The following MTCL2 variants were observed in gnomAD, a reference collection of about 807,000 sequenced individuals.
The protein encoded by MTCL2 is microtubule crosslinking factor 2, also known as microtubule cross-linking factor 2.
the MTCL2 span, among the ~76,000 whole-genome samples, chr20:36,859,365 C>G: frequency 1.3e-5 from 2 of 152,210 alleles, no homozygotes; most frequent in African/African-American, 4.8e-5. Flanking sequence ...AAAGCTGCAT[C>G]TTAGAATCCT....
At chr20:36,805,831 C>A in the MTCL2 span, 5 of 1,580,786 alleles carry the variant, frequency 3.2e-6, no homozygotes, top group Admixed American at 5.5e-5. Context: ...ACAACAGGAC[C>A]GGGAAGGGGC....
the MTCL2 span, chr20:36,805,948 T>G: frequency 1.2e-6 from 2 of 1,605,308 alleles, no homozygotes; most frequent in Non-Finnish European, 1.7e-6. Context: ...AGCTCCTTCA[T>G]GCTGTTCACC....
the MTCL2 span, among the ~76,000 whole-genome samples, chr20:36,852,159 G>A: frequency 2.0e-5 from 3 of 152,184 alleles, no homozygotes; most frequent in Non-Finnish European, 2.9e-5. Context: ...TTCACTCTGC[G>A]AGGCAGCAAC....
At chr20:36,849,968 T>C in the MTCL2 span, among the ~76,000 whole-genome samples, 1 of 152,034 alleles carries the variant, frequency 6.6e-6, no homozygotes, top group Admixed American at 6.6e-5. Flanking sequence ...CAAGGGGACA[T>C]GAGGCTCCCA....
At chr20:36,811,762 A>G in the MTCL2 span, among the ~76,000 whole-genome samples, 19 of 152,334 alleles carry the variant, frequency 1.2e-4, no homozygotes, top group Admixed American at 9.1e-4. Flanking sequence ...CATCAGCTTC[A>G]AGTGAGCTTC....
chr20:36,794,363 C>A, the MTCL2 span: 1 of 1,608,332 alleles, frequency 6.2e-7, no homozygotes, highest in Non-Finnish European at 8.5e-7. The surrounding 1 kb of genome is among the most constrained non-coding windows in gnomAD (Gnocchi z 5.4). Context: ...CGTGTAGCTG[C>A]GCTGCATCTG....
chr20:36,794,629 AT>A, the MTCL2 span: 2 of 1,613,876 alleles, frequency 1.2e-6, no homozygotes, highest in African/African-American at 1.3e-5. This position sits in a 1 kb window ranked among gnomAD's most constrained non-coding sequence, Gnocchi z 5.4. Flanking sequence ...AAACGTCGTT[AT>A]TAGTGGAAAT....
At chr20:36,802,136 A>C in the MTCL2 span, among the ~76,000 whole-genome samples, 1 of 151,784 alleles carries the variant, frequency 6.6e-6, no homozygotes, top group Non-Finnish European at 1.5e-5. Flanking sequence ...AAATATAAAA[A>C]TTAGCCGGCT....
the MTCL2 span, among the ~76,000 whole-genome samples, chr20:36,842,682 GA>G: frequency 6.6e-6 from 1 of 152,198 alleles, no homozygotes; most frequent in Non-Finnish European, 1.5e-5. Flanking sequence ...TGAAGCAGGA[GA>G]ATCATTTGAA....
chr20:36,858,311 AAC>A, the MTCL2 span, among the ~76,000 whole-genome samples: 2,053 of 31,286 alleles, frequency 0.066, 99 homozygotes, highest in Non-Finnish European at 0.066. Flanking sequence ...AAGGAGGGAA[AAC>A]ACACACACAC....
At chr20:36,794,872 G>A in the MTCL2 span, 1 of 491,498 alleles carries the variant, frequency 2.0e-6, no homozygotes, top group East Asian at 3.9e-5. The surrounding 1 kb of genome is among the most constrained non-coding windows in gnomAD (Gnocchi z 5.4). Context: ...GGGCTCAAGT[G>A]ATCCTCCCAT....
the MTCL2 span, chr20:36,839,367 C>A: frequency 6.2e-7 from 1 of 1,613,314 alleles, no homozygotes; most frequent in African/African-American, 1.3e-5. This position sits in a 1 kb window ranked among gnomAD's most constrained non-coding sequence, Gnocchi z 5.1. Context: ...GCAGCTCCTG[C>A]AGCTGATACA....
At chr20:36,784,689 A>G in the MTCL2 span, 2 of 985,374 alleles carry the variant, frequency 2.0e-6, no homozygotes, top group South Asian at 9.4e-5. Context: ...AATGAGCCAC[A>G]TCGAAATCCA....
chr20:36,860,946 T>C, the MTCL2 span, among the ~76,000 whole-genome samples: 1 of 152,154 alleles, frequency 6.6e-6, no homozygotes, highest in Non-Finnish European at 1.5e-5. Flanking sequence ...GGGACTGTTT[T>C]CCCCTTTAAA....
At chr20:36,803,071 C>A in the MTCL2 span, 5 of 1,608,578 alleles carry the variant, frequency 3.1e-6, no homozygotes, top group Non-Finnish European at 4.2e-6. Flanking sequence ...TCGGGCCCTG[C>A]CCGCTCCCCG....
the MTCL2 span, among the ~76,000 whole-genome samples, chr20:36,821,674 C>T: frequency 3.9e-5 from 6 of 152,134 alleles, no homozygotes; most frequent in African/African-American, 1.2e-4. Flanking sequence ...GCCAAGATCA[C>T]GTCCCTGCAC....
At chr20:36,787,416 G>C in the MTCL2 span, among the ~76,000 whole-genome samples, 7 of 151,810 alleles carry the variant, frequency 4.6e-5, no homozygotes, top group East Asian at 2.0e-4. Context: ...TTAGTAGAGA[G>C]GGGATTTTAG....
At chr20:36,806,193 A>G in the MTCL2 span, among the ~76,000 whole-genome samples, 1 of 152,086 alleles carries the variant, frequency 6.6e-6, no homozygotes, top group Non-Finnish European at 1.5e-5. Flanking sequence ...GGCCACACGC[A>G]CTCCCACAAT....
the MTCL2 span, chr20:36,797,643 G>A: frequency 7.0e-7 from 1 of 1,421,738 alleles, no homozygotes; most frequent in Non-Finnish European, 9.7e-7. Flanking sequence ...TCTAAGCAAG[G>A]CCATTCCCCA....
Sources: allele counts gnomAD v4.1 joint callset (sites outside exome capture counted in the v4.1 genomes callset), GRCh38; gene constraint gnomAD v4.1.1; non-coding constraint Gnocchi (gnomAD v3.1); transcripts MANE v1.5; gene names NCBI Gene and HGNC (gene_info 2026-07-23, HGNC 2026-07-21).